The following SLC16A1 variants were observed in gnomAD, a reference collection of about 807,000 sequenced individuals.
SLC16A1 encodes solute carrier family 16 member 1, also known as monocarboxylate transporter 1.
In SLC16A1, 11 loss-of-function variants were observed where a neutral mutation model predicts 32.2. The observed-to-expected ratio is 0.34, with a 90% CI of 0.21 to 0.56. The LOEUF is 0.56. Ranked by LOEUF, SLC16A1 falls within the 20% of genes least tolerant of loss-of-function variation. SLC16A1 has a pLI of 0.87. For synonymous variants in SLC16A1, 231 were observed against 226.8 expected, an observed-to-expected ratio of 1.02 and a Z score of -0.17; for missense variants, 435 against 615.0, an observed-to-expected ratio of 0.71 and a Z score of 3.10.
chr1:112,923,671 A>G lies in SLC16A1; in HGVS notation c.218-1538T>C, dbSNP rs1648823637. 3.3e-6 allele frequency: 5 copies of G among 1,510,870 alleles called. No individual in the cohort carries two copies. The South Asian group carries it at 5.6e-5, about 17-fold the overall frequency. 93.6% of individuals were successfully genotyped at this position (1,510,870 alleles called of 1,614,324 possible). ...AAGTGGCTGCAGTGTCCCCGAGTGG[A>G]CCTCTTCTACCTGCTCAGGCCAGAC... On this transcript the variant is annotated intron_variant, in intron 2 of 4. Transcript: ENST00000369626.
chr1:112,928,547 A>G (rs1333271481), intron 2 of SLC16A1, among the ~76,000 whole-genome samples: 2 of 152,046 alleles, frequency 1.3e-5, no homozygotes, highest in African/African-American at 4.8e-5. Flanking sequence ...CAAAAAAAAC[A>G]AAAGAGAAAT....
chr1:112,953,787 A>C lies in SLC16A1; in HGVS notation c.-45+2248T>G, dbSNP rs561411515. On this transcript the variant is annotated intron_variant, in intron 1 of 4. Coordinates refer to ENST00000369626, the MANE Select transcript of SLC16A1 (RefSeq NM_003051.4). ...TGCCTGGCTAGCTCTTTCATCCTTCAAGTCTCAGGTTAAACAGTATTTCCT... is the reference window on the plus strand; with the variant it reads ...TGCCTGGCTAGCTCTTTCATCCTTCCAGTCTCAGGTTAAACAGTATTTCCT... Among the ~76,000 whole-genome samples, 4 of 152,240 alleles carry C rather than the reference A, an allele frequency of 2.6e-5. No homozygotes were observed. In the East Asian group the frequency reaches 7.7e-4, roughly 29 times the overall value.
chr1:112,920,205 G>A (rs1173456655), intron 3 of SLC16A1, among the ~76,000 whole-genome samples: 3 of 152,206 alleles, frequency 2.0e-5, no homozygotes, highest in Non-Finnish European at 4.4e-5. Flanking sequence ...GGGCGTGGTC[G>A]CTCATGCCTG....
At chr1:112,941,406 C>G (rs1304764683) in intron 1 of SLC16A1, among the ~76,000 whole-genome samples, 1 of 151,818 alleles carries the variant, frequency 6.6e-6, no homozygotes, top group Non-Finnish European at 1.5e-5. Context: ...CTCAGCCTCC[C>G]AAGTAGCTGG....
At chr1:112,923,975 CAAGTAT>C in intron 2 of SLC16A1, 3 of 1,469,354 alleles carry the variant, frequency 2.0e-6, no homozygotes, top group Admixed American at 1.7e-5. Flanking sequence ...CTGGCAAGTA[CAAGTAT>C]AAGGACAAGG....
intron 1 of SLC16A1, among the ~76,000 whole-genome samples, chr1:112,948,648 C>A (rs1432149103): frequency 6.6e-6 from 1 of 151,740 alleles, no homozygotes; most frequent in Non-Finnish European, 1.5e-5. Flanking sequence ...GGATTACAGG[C>A]AACCGCCATC....
intron 1 of SLC16A1, among the ~76,000 whole-genome samples, chr1:112,954,895 C>G (rs1434926004): frequency 1.3e-5 from 2 of 152,046 alleles, no homozygotes; most frequent in African/African-American, 4.8e-5. Context: ...TTTATGGGTA[C>G]TATTTAACAC....
chr1:112,934,602 G>A (rs1649236476), intron 1 of SLC16A1, among the ~76,000 whole-genome samples: 1 of 152,202 alleles, frequency 6.6e-6, no homozygotes, highest in East Asian at 1.9e-4. Flanking sequence ...TTGTTCTGTG[G>A]CACAGGGAGA....
At chr1:112,945,512 T>C (rs2101649200) in intron 1 of SLC16A1, among the ~76,000 whole-genome samples, 1 of 150,254 alleles carries the variant, frequency 6.7e-6, no homozygotes, top group East Asian at 2.0e-4. Context: ...CCGTCTCTAC[T>C]AAAAATATGA....
In SLC16A1 at chr1:112,929,070, G is replaced by C. The variant is rs753027653; in HGVS notation, c.217+22C>G. 9 of 1,560,294 alleles carry C rather than the reference G, an allele frequency of 5.8e-6. No individual in the cohort carries two copies. The African/African-American group carries it at 1.2e-4, about 21-fold the overall frequency. On this transcript the variant is annotated intron_variant, in intron 2 of 4. Coordinates refer to ENST00000369626, the MANE Select transcript of SLC16A1 (RefSeq NM_003051.4). ...TGGCTGCTTCATGAAAATTAAAAGA[G>C]CAGGCCTTAATGGGTACTTACCTCC... is the stretch of plus-strand genomic sequence containing the variant.
intron 2 of SLC16A1, among the ~76,000 whole-genome samples, chr1:112,926,132 G>A (rs1648932488): frequency 6.6e-6 from 1 of 152,214 alleles, no homozygotes; most frequent in Admixed American, 6.5e-5. Context: ...GCTTATTTAT[G>A]CTTTCACATG....
At chr1:112,945,618 T>C (rs1649672939) in intron 1 of SLC16A1, among the ~76,000 whole-genome samples, 5 of 144,084 alleles carry the variant, frequency 3.5e-5, no homozygotes, top group Admixed American at 2.9e-4. Context: ...GAGGTTGCAG[T>C]GAGCCGAGAT....
At chr1:112,945,604 G>T (rs1025815768) in intron 1 of SLC16A1, among the ~76,000 whole-genome samples, 15 of 151,340 alleles carry the variant, frequency 9.9e-5, no homozygotes, top group Non-Finnish European at 2.1e-4. Flanking sequence ...GAACCCGGGA[G>T]TCGGAGGTTG....
chr1:112,920,781 TTA>T (rs1314165330), intron 3 of SLC16A1, among the ~76,000 whole-genome samples: 1 of 152,022 alleles, frequency 6.6e-6, no homozygotes, highest in South Asian at 2.1e-4. Context: ...ACATAAAAAT[TTA>T]TATGTTTAAT....
intron 1 of SLC16A1, among the ~76,000 whole-genome samples, chr1:112,945,141 G>GGTGCCTGCCACC (rs1160132771): frequency 6.6e-6 from 1 of 151,954 alleles, no homozygotes; most frequent in East Asian, 2.0e-4. Flanking sequence ...TCGGATTACA[G>GGTGCCTGCCACC]GTGCCTGCCA....
Position 112,923,933 on chromosome 1 carries a change from T to C in SLC16A1, c.218-1800A>G, listed in dbSNP as rs1648833337. On this transcript the variant is annotated intron_variant, in intron 2 of 4. Transcript: ENST00000369626. ...TCAGGCACTCTGGACTGAGGTTCTA[T>C]GCCTTCAACCCTCTGGCTGGGGACC... is the stretch of plus-strand genomic sequence containing the variant. The C allele has an allele frequency of 9.9e-6, 15 of 1,519,076 alleles. No individual in the cohort carries two copies. The South Asian group carries it at 1.0e-4, about 10-fold the overall frequency. The allele number at this position is 1,519,076 out of a possible 1,614,324, so 94.1% of individuals were successfully genotyped here.
At chr1:112,947,806 TTTTG>T (rs1479820989) in intron 1 of SLC16A1, among the ~76,000 whole-genome samples, 5 of 152,220 alleles carry the variant, frequency 3.3e-5, no homozygotes, top group Admixed American at 6.5e-5. Flanking sequence ...ATCTAAGTTG[TTTTG>T]TTTTCTTGTT....
intron 2 of SLC16A1, among the ~76,000 whole-genome samples, chr1:112,923,271 G>GAGCCATTT (rs1213727875): frequency 1.6e-5 from 1 of 62,500 alleles, no homozygotes; most frequent in African/African-American, 8.3e-5. Context: ...GTGAGCCATT[G>GAGCCATTT]CACTCCAGCC....
In SLC16A1 at chr1:112,912,069, T is replaced by A. The variant is rs1250585696; in HGVS notation, c.*1822A>T. On this transcript the variant is annotated 3_prime_UTR_variant, in exon 5 of 5. Transcript: ENST00000369626. ...AACACTCTTCCTCTATCTGCCATGA[T>A]GCCCAGGCATACAAAGGGAGTTTTT... 1 of 152,286 alleles carries A rather than the reference T, an allele frequency of 6.6e-6. No homozygotes were observed. Among genetic ancestry groups the A allele is most frequent in the East Asian group, 1.9e-4 (1 of 5,202 alleles). 9.4% of individuals were successfully genotyped at this position (152,286 alleles called of 1,614,324 possible). A position where few individuals can be genotyped will look rare whatever the true frequency, so the allele number is the denominator to read the frequency against.
Sources: gnomAD v4.1 joint callset for allele counts (sites outside exome capture counted in the v4.1 genomes callset) on GRCh38, gnomAD v4.1.1 for gene constraint, MANE v1.5 for transcripts, NCBI Gene and HGNC (gene_info 2026-07-23, HGNC 2026-07-21) for gene names.